CSMD1: variants seen among roughly 807,000 people sequenced by gnomAD.
CSMD1 encodes CUB and Sushi multiple domains 1.
A neutral mutation model predicts 417.5 loss-of-function variants in CSMD1; 213 were observed. The ratio of observed to expected loss-of-function variants is 0.51; its 90% CI spans 0.46 to 0.57. The LOEUF (loss-of-function observed/expected upper bound fraction) is 0.57. Ranked by LOEUF, CSMD1 falls within the 20% of genes least tolerant of loss-of-function variation. The pLI is 0.00. For missense variants in CSMD1, 6,923 were observed against 4,529.7 expected, an observed-to-expected ratio of 1.53 and a Z score of -15.17; for synonymous variants, 2,862 against 1,736.8, an observed-to-expected ratio of 1.65 and a Z score of -16.11.
At chr8:3,410,134 T>C (rs1338965914) in intron 12 of CSMD1, among the ~76,000 whole-genome samples, 1 of 152,224 alleles carries the variant, frequency 6.6e-6, no homozygotes, top group African/African-American at 2.4e-5. Flanking sequence ...TCAGAATCAA[T>C]CTTTCATTAA....
chr8:4,600,159 G>C (rs1053901592), intron 2 of CSMD1, among the ~76,000 whole-genome samples: 1 of 152,154 alleles, frequency 6.6e-6, no homozygotes, highest in Non-Finnish European at 1.5e-5. Context: ...ATGTAGCTGA[G>C]CTGTGGTCGC....
intron 10 of CSMD1, among the ~76,000 whole-genome samples, chr8:3,567,936 A>C (rs1323011073): frequency 6.6e-6 from 1 of 152,158 alleles, no homozygotes; most frequent in Non-Finnish European, 1.5e-5. Context: ...ATCCCCATGG[A>C]CGCCGGAGAT....
intron 6 of CSMD1, among the ~76,000 whole-genome samples, chr8:3,735,412 T>C (rs1462637941): frequency 6.6e-6 from 1 of 152,222 alleles, no homozygotes; most frequent in Non-Finnish European, 1.5e-5. Flanking sequence ...ACAAAATCCT[T>C]AGATGATTCC....
At chr8:4,779,303 A>T (rs539681557) in intron 1 of CSMD1, among the ~76,000 whole-genome samples, 85 of 152,258 alleles carry the variant, frequency 5.6e-4, no homozygotes, top group African/African-American at 1.9e-3. Flanking sequence ...AAATTTTCAC[A>T]ATATATTTAT....
intron 3 of CSMD1, among the ~76,000 whole-genome samples, chr8:4,228,589 C>T (rs200562374): frequency 7.2e-6 from 1 of 138,364 alleles, no homozygotes; most frequent in Non-Finnish European, 1.5e-5. Context: ...TCTGTCAGAT[C>T]TTTTTTTTTT....
chr8:3,374,617 T>C (rs1202283774), intron 18 of CSMD1, among the ~76,000 whole-genome samples: 2 of 152,194 alleles, frequency 1.3e-5, no homozygotes, highest in Non-Finnish European at 2.9e-5. Context: ...AAATGTCCAC[T>C]CCCAGGATGG....
intron 25 of CSMD1, among the ~76,000 whole-genome samples, chr8:3,303,287 C>T (rs1223830608): frequency 4.6e-5 from 7 of 152,070 alleles, no homozygotes; most frequent in African/African-American, 1.7e-4. Context: ...CTACTGGGAT[C>T]TGGAAGGTTG....
chr8:4,840,699 GACA>G (rs1800792892), intron 1 of CSMD1, among the ~76,000 whole-genome samples: 1 of 152,174 alleles, frequency 6.6e-6, no homozygotes, highest in Non-Finnish European at 1.5e-5. Flanking sequence ...GCCTGCAAGA[GACA>G]ACTTTTTTAT....
intron 12 of CSMD1, among the ~76,000 whole-genome samples, chr8:3,412,459 T>C (rs545843465): frequency 2.0e-5 from 3 of 152,268 alleles, no homozygotes; most frequent in Admixed American, 6.5e-5. Context: ...AGATGTTATA[T>C]TGCATTCAAG....
intron 3 of CSMD1, among the ~76,000 whole-genome samples, chr8:4,403,078 G>A (rs889551926): frequency 7.2e-5 from 11 of 151,836 alleles, no homozygotes; most frequent in South Asian, 2.1e-4. Context: ...TGATCCGCTC[G>A]CCTCAGCCTC....
chr8:4,226,090 A>G (rs59504072), intron 3 of CSMD1, among the ~76,000 whole-genome samples: 1 of 150,538 alleles, frequency 6.6e-6, no homozygotes, highest in African/African-American at 2.5e-5. Flanking sequence ...ACACACACAC[A>G]CACACACACA....
intron 3 of CSMD1, among the ~76,000 whole-genome samples, chr8:4,145,444 A>G (rs1585414613): frequency 1.3e-5 from 2 of 151,256 alleles, no homozygotes; most frequent in South Asian, 2.1e-4. Context: ...TCTACAGGTT[A>G]CTATATATTT....
chr8:3,006,701 G>A lies in CSMD1; in HGVS notation c.8030-6570C>T, dbSNP rs1351202619. Among the ~76,000 whole-genome samples, 3 of 151,462 alleles carry A rather than the reference G, an allele frequency of 2.0e-5. No homozygotes were observed. The East Asian group carries it at 5.8e-4, about 29-fold the overall frequency. On this transcript the variant is annotated intron_variant, in intron 52 of 69. Transcript: ENST00000635120. ...GATTCCCTATTTAATAAATGGTGCTGGGAAAACTGGCTAGCCATATGTAGA... is the reference window on the plus strand; with the variant it reads ...GATTCCCTATTTAATAAATGGTGCTAGGAAAACTGGCTAGCCATATGTAGA...
intron 7 of CSMD1, among the ~76,000 whole-genome samples, chr8:3,654,895 G>T (rs2469393): frequency 6.6e-6 from 1 of 151,960 alleles, no homozygotes; most frequent in South Asian, 2.1e-4. Flanking sequence ...GGAGACAGGA[G>T]CTGGGCTCCA....
At chr8:4,005,566 T>C (rs1376909838) in intron 4 of CSMD1, among the ~76,000 whole-genome samples, 1 of 152,210 alleles carries the variant, frequency 6.6e-6, no homozygotes, top group Non-Finnish European at 1.5e-5. Context: ...TTGTCTTTTA[T>C]TGTGTAAGGA....
At chr8:4,396,941 G>A (rs557947975) in intron 3 of CSMD1, among the ~76,000 whole-genome samples, 4 of 151,958 alleles carry the variant, frequency 2.6e-5, no homozygotes, top group East Asian at 1.9e-4. Flanking sequence ...TACACTGCCT[G>A]GGTGATGAGT....
chr8:4,905,633 C>T (rs952024605), intron 1 of CSMD1, among the ~76,000 whole-genome samples: 1 of 151,602 alleles, frequency 6.6e-6, no homozygotes, highest in African/African-American at 2.4e-5. Flanking sequence ...TCCTGGCTAA[C>T]ACGGTGAAAC....
intron 2 of CSMD1, among the ~76,000 whole-genome samples, chr8:4,574,167 G>T (rs1051787991): frequency 4.0e-5 from 5 of 123,994 alleles, no homozygotes; most frequent in African/African-American, 1.3e-4. Context: ...AGACGCTGGG[G>T]TCCAAAAAAA....
intron 2 of CSMD1, among the ~76,000 whole-genome samples, chr8:4,527,719 G>A (rs975179632): frequency 3.3e-5 from 5 of 152,178 alleles, no homozygotes; most frequent in Non-Finnish European, 7.3e-5. Flanking sequence ...TAGGTACACT[G>A]ATAATGAAAT....
Sources: allele counts gnomAD v4.1 joint callset (sites outside exome capture counted in the v4.1 genomes callset), GRCh38; gene constraint gnomAD v4.1.1; transcripts MANE v1.5; gene names NCBI Gene and HGNC (gene_info 2026-07-23, HGNC 2026-07-21).